Variants in ARPP21 observed in about 807,000 individuals in gnomAD.
ARPP21 encodes the protein cAMP regulated phosphoprotein 21.
Under a neutral mutation model 113.2 loss-of-function variants are expected in ARPP21, and 69 were observed. That is an observed-to-expected ratio of 0.61 (90% CI 0.50 to 0.74). The LOEUF is 0.74. Ranked by LOEUF, ARPP21 falls within the 30% of genes least tolerant of loss-of-function variation. The probability of loss-of-function intolerance (pLI) is 0.00; values close to 1 mark genes in which losing one functional copy is unlikely to be tolerated. For synonymous variants in ARPP21, 368 were observed against 375.5 expected (o/e 0.98, Z 0.23); for missense variants, 1,070 against 1,037.4 (o/e 1.03, Z -0.43).
intron 14 of ARPP21, among the ~76,000 whole-genome samples, chr3:35,728,694 C>CTTAAAAGGGATCCTAT (rs1174377899): frequency 6.6e-6 from 1 of 152,132 alleles, no homozygotes; most frequent in Non-Finnish European, 1.5e-5. Context: ...CATGCCACTC[C>CTTAAAAGGGATCCTAT]TTAAAAGGGA....
rs73825899 is a variant in ARPP21, at chr3:35,693,621, G to A, written c.686+2616G>A. On this transcript the variant is annotated intron_variant, in intron 9 of 20. Coordinates refer to ENST00000684406, the MANE Select transcript of ARPP21 (RefSeq NM_001385562.1). ...TTAAAAGTCTGTTGCCATGCTCTTT[G>A]GGGTTGAAGTTCAAAATGGGGCATT... 3.6e-3 allele frequency among the ~76,000 whole-genome samples: 550 copies of A among 151,764 alleles called. 5 individuals carry two copies. The highest frequency in any genetic ancestry group is 0.013 in the African/African-American group (523 of 41,466).
rs761615531 is a variant in ARPP21, at chr3:35,792,390, C to A, written c.2146C>A (p.Pro716Thr). 3.1e-6 allele frequency: 5 copies of A among 1,613,722 alleles called. No homozygotes were observed. ...ATCTCTTTTCTTCGCAGGTTACCAGCCAGTCTTGTCTGGTCAACAGGGATT... is the reference window on the plus strand; with the variant it reads ...ATCTCTTTTCTTCGCAGGTTACCAGACAGTCTTGTCTGGTCAACAGGGATT... ...PQAAQQAGYQ[P>T]VLSGQQGFQG... Residue 716 changes from proline to threonine, a missense_variant, in exon 20 of 21, where the codon CCA (proline) becomes ACA (threonine). By Grantham distance (38) the Pro-to-Thr change is conservative. Transcript: ENST00000684406.
rs117646608 is a variant in ARPP21 at position 35,647,265 on chromosome 3, T to A, written c.-213+6867T>A. ...GTATATTGCAACAAACTTATACATCTTCCAGGATAAGAATACAAATATCCC... is the reference window on the plus strand; with the variant it reads ...GTATATTGCAACAAACTTATACATCATCCAGGATAAGAATACAAATATCCC... On this transcript the variant is annotated intron_variant, in intron 1 of 20. Coordinates refer to ENST00000684406, the MANE Select transcript of ARPP21 (RefSeq NM_001385562.1). 9.8e-3 allele frequency among the ~76,000 whole-genome samples: 1,498 copies of A among 152,314 alleles called. 70 individuals are homozygous for A. Among genetic ancestry groups the A allele is most frequent in the East Asian group, 0.013 (67 of 5,182 alleles).
In ARPP21 at chr3:35,758,179, ACAC is replaced by A. The variant is rs1264755912; in HGVS notation, c.2137+14215_2137+14217del. 1.2e-3 allele frequency among the ~76,000 whole-genome samples: 177 copies of A among 152,182 alleles called. 1 individual carries two copies. Among genetic ancestry groups the A allele is most frequent in the African/African-American group, 4.1e-3 (172 of 41,530 alleles). ...CTGAGAACCACTCCTTGAGCCCTAGACACAAAGCAGTGTCTTGTAGAGAAACAG... is the reference window on the plus strand; with the variant it reads ...CTGAGAACCACTCCTTGAGCCCTAGAAAAGCAGTGTCTTGTAGAGAAACAG... On this transcript the variant is annotated intron_variant, in intron 19 of 20. Coordinates refer to ENST00000684406, the MANE Select transcript of ARPP21 (RefSeq NM_001385562.1).
At chr3:35,644,285 T>G (rs1300261450) in intron 1 of ARPP21, among the ~76,000 whole-genome samples, 1 of 151,918 alleles carries the variant, frequency 6.6e-6, no homozygotes, top group African/African-American at 2.4e-5. Context: ...ATAATTTAAT[T>G]AATTTTGCTC....
rs1448235854 is a variant in ARPP21, at chr3:35,743,843, C to T, written c.2015C>T (p.Pro672Leu). The change falls in exon 19 of 21, where the codon CCT becomes CTT. Residue 672 changes from proline to leucine, a missense_variant. Transcript: ENST00000684406. ...FVQQPPPAQM[P>L]VYYYPSGQYP... ...TCTTCCTCCTTTCTTCCACAGATGCCTGTATATTATTACCCATCTGGTCAG... is the reference window on the plus strand; with the variant it reads ...TCTTCCTCCTTTCTTCCACAGATGCTTGTATATTATTACCCATCTGGTCAG... 1 of 1,613,776 alleles carries T rather than the reference C, an allele frequency of 6.2e-7. No homozygotes were observed. The highest frequency in any genetic ancestry group is 1.1e-5 in the South Asian group (1 of 91,046).
At chr3:35,759,042 T>G (rs1022042176) in intron 19 of ARPP21, among the ~76,000 whole-genome samples, 2 of 152,094 alleles carry the variant, frequency 1.3e-5, no homozygotes, top group African/African-American at 4.8e-5. Flanking sequence ...TTTAGTGACC[T>G]CTATGAAAAG....
At chr3:35,686,887 A>C (rs2080777125) in intron 5 of ARPP21, among the ~76,000 whole-genome samples, 1 of 151,548 alleles carries the variant, frequency 6.6e-6, no homozygotes, top group South Asian at 2.1e-4. Context: ...ATGTGAGTTA[A>C]TACAAAATAA....
intron 17 of ARPP21, 88 bp downstream of exon 17, chr3:35,738,406 G>A: frequency 1.8e-6 from 2 of 1,114,154 alleles, no homozygotes; most frequent in Non-Finnish European, 2.6e-6. Flanking sequence ...GGCTGACACT[G>A]GGGTGGGTGC....
intron 11 of ARPP21, among the ~76,000 whole-genome samples, chr3:35,712,862 C>A (rs567651587): frequency 6.6e-6 from 1 of 152,134 alleles, no homozygotes; most frequent in African/African-American, 2.4e-5. Context: ...ATGGTTAATT[C>A]TATGCAATGT....
At chr3:35,658,637 A>G (rs2149103627) in intron 1 of ARPP21, among the ~76,000 whole-genome samples, 1 of 152,184 alleles carries the variant, frequency 6.6e-6, no homozygotes, top group Non-Finnish European at 1.5e-5. Flanking sequence ...TGAGGAAATA[A>G]AGTAATTTAA....
intron 7 of ARPP21, among the ~76,000 whole-genome samples, chr3:35,689,647 A>G (rs1333979958): frequency 2.0e-5 from 3 of 151,670 alleles, no homozygotes; most frequent in Non-Finnish European, 4.4e-5. Flanking sequence ...ATACTGGCTA[A>G]GGTGGAAAAA....
At chr3:35,682,076 G>GA (rs1266625283) in intron 3 of ARPP21, among the ~76,000 whole-genome samples, 196 bp downstream of exon 3, 1 of 151,744 alleles carries the variant, frequency 6.6e-6, no homozygotes, top group African/African-American at 2.4e-5. Context: ...GTTTTGTGGG[G>GA]AAAAAAGTCA....
At chr3:35,746,581 C>T (rs1280784147) in intron 19 of ARPP21, among the ~76,000 whole-genome samples, 1 of 152,212 alleles carries the variant, frequency 6.6e-6, no homozygotes, top group Non-Finnish European at 1.5e-5. Context: ...CCTCCTGCCT[C>T]CTGCAGCTGT....
intron 19 of ARPP21, among the ~76,000 whole-genome samples, chr3:35,758,973 C>A (rs2095666240): frequency 6.6e-6 from 1 of 151,884 alleles, no homozygotes; most frequent in South Asian, 2.1e-4. Context: ...CATTTATTTC[C>A]AGTCTCTGAA....
intron 1 of ARPP21, among the ~76,000 whole-genome samples, chr3:35,662,220 T>C (rs1209585024): frequency 6.6e-6 from 1 of 152,184 alleles, no homozygotes; most frequent in Non-Finnish European, 1.5e-5. Context: ...GGCATACATG[T>C]GCGTACTGTA....
chr3:35,746,056 G>T (rs1187678193), intron 19 of ARPP21, among the ~76,000 whole-genome samples: 2 of 152,196 alleles, frequency 1.3e-5, no homozygotes, highest in Non-Finnish European at 2.9e-5. Context: ...TGAGAAAAGT[G>T]AAATGATCAT....
At position 35,738,282 on chromosome 3, in the gene ARPP21, C is replaced by T. The variant is rs1250428003; in HGVS notation, c.1713C>T (p.His571=). 1.3e-6 allele frequency: 2 copies of T among 1,535,970 alleles called. No homozygotes were observed. The highest frequency in any genetic ancestry group is 2.4e-5 in the South Asian group (2 of 84,054). Residue 571 remains histidine, a synonymous_variant, in exon 17 of 21, where the codon CAC becomes CAT. Transcript: ENST00000684406. The stretch of plus-strand genomic sequence containing the variant: ...CAGCAGTCTCTTTTCCTCCCCAGCA[C>T]CTCCTACCTGTGTCTCCAACGCAGC... ...QYPAVSFPPQ[H]LLPVSPTQHF...
At chr3:35,652,089 A>G (rs1260086442) in intron 1 of ARPP21, 1 of 152,094 alleles carries the variant, frequency 6.6e-6, no homozygotes, top group Admixed American at 6.6e-5. Flanking sequence ...GGGTATTCAT[A>G]GGTGATTCAG....
Sources: allele counts gnomAD v4.1 joint callset (sites outside exome capture counted in the v4.1 genomes callset), GRCh38; gene constraint gnomAD v4.1.1; transcripts MANE v1.5; gene names NCBI Gene and HGNC (gene_info 2026-07-23, HGNC 2026-07-21).